Variants in NUDCD1 observed in about 807,000 individuals in gnomAD.
NUDCD1 encodes the protein NudC domain containing 1.
A neutral mutation model predicts 67.8 loss-of-function variants in NUDCD1; 60 were observed. The ratio of observed to expected loss-of-function variants is 0.88; its 90% CI spans 0.72 to 1.10. The LOEUF (loss-of-function observed/expected upper bound fraction) is 1.10, where lower values mean the gene tolerates loss of function less well. NUDCD1 is among the 50% of genes least tolerant of loss of function. The probability of loss-of-function intolerance (pLI) is 0.00; values close to 1 mark genes in which losing one functional copy is unlikely to be tolerated. For synonymous variants in NUDCD1, 244 were observed against 230.8 expected, an observed-to-expected ratio of 1.06 and a Z score of -0.52; for missense variants, 643 against 695.0, an observed-to-expected ratio of 0.93 and a Z score of 0.84.
intron 5 of NUDCD1, among the ~76,000 whole-genome samples, chr8:109,282,595 A>C (rs1814472730): frequency 6.6e-6 from 1 of 150,412 alleles, no homozygotes; most frequent in African/African-American, 2.4e-5. Context: ...AGAAAATCAA[A>C]CACCACATGT....
At chr8:109,288,637 C>A (rs1314044605) in intron 5 of NUDCD1, among the ~76,000 whole-genome samples, 1 of 152,130 alleles carries the variant, frequency 6.6e-6, no homozygotes, top group African/African-American at 2.4e-5. Context: ...ATATTCATTT[C>A]TTAAAGCATC....
intron 7 of NUDCD1, among the ~76,000 whole-genome samples, chr8:109,274,098 G>A (rs1329905562): frequency 6.6e-6 from 1 of 152,080 alleles, no homozygotes; most frequent in Non-Finnish European, 1.5e-5. Context: ...CCTTCTTAAT[G>A]ATAAAAGTCG....
chr8:109,325,522 C>A (rs574662805), intron 1 of NUDCD1, among the ~76,000 whole-genome samples: 1 of 152,092 alleles, frequency 6.6e-6, no homozygotes, highest in South Asian at 2.1e-4. Context: ...TACATGCATA[C>A]CCACTCCTCT....
chr8:109,323,334 C>G (rs566611305), intron 1 of NUDCD1, among the ~76,000 whole-genome samples: 1 of 152,130 alleles, frequency 6.6e-6, no homozygotes, highest in East Asian at 1.9e-4. Context: ...TGAGTCCTGT[C>G]TGACTTATAT....
intron 8 of NUDCD1, among the ~76,000 whole-genome samples, chr8:109,251,227 G>A (rs1469487111): frequency 1.4e-5 from 2 of 144,816 alleles, no homozygotes; most frequent in Non-Finnish European, 3.0e-5. Flanking sequence ...AGGCTGGAGT[G>A]CAGTGACACA....
chr8:109,333,456 A>G (rs1295742675), intron 1 of NUDCD1, among the ~76,000 whole-genome samples: 1 of 152,224 alleles, frequency 6.6e-6, no homozygotes, highest in Non-Finnish European at 1.5e-5. Context: ...TCTTCTAAGA[A>G]ACGGCTCTCG....
intron 7 of NUDCD1, among the ~76,000 whole-genome samples, chr8:109,272,840 T>G (rs576185551): frequency 2.8e-4 from 43 of 152,232 alleles, no homozygotes; most frequent in African/African-American, 9.9e-4. Flanking sequence ...CAATTATGGT[T>G]GCTGTGGCTG....
At chr8:109,281,592 G>C (rs1554614138) in intron 5 of NUDCD1, among the ~76,000 whole-genome samples, 3 of 152,088 alleles carry the variant, frequency 2.0e-5, no homozygotes, top group South Asian at 2.1e-4. Context: ...TATCTCAATG[G>C]ATAGCTTCTG....
At chr8:109,295,480 T>C (rs1206233175) in intron 3 of NUDCD1, among the ~76,000 whole-genome samples, 1 of 152,166 alleles carries the variant, frequency 6.6e-6, no homozygotes, top group African/African-American at 2.4e-5. Context: ...GTTCTGGTTA[T>C]TTACTGTGTA....
intron 1 of NUDCD1, among the ~76,000 whole-genome samples, chr8:109,328,247 A>G (rs1815722509): frequency 6.6e-6 from 1 of 152,210 alleles, no homozygotes; most frequent in Non-Finnish European, 1.5e-5. Context: ...CTCTACATAA[A>G]TACAACGGTT....
chr8:109,255,273 C>T (rs941518453), intron 8 of NUDCD1, among the ~76,000 whole-genome samples: 6 of 152,002 alleles, frequency 3.9e-5, no homozygotes, highest in African/African-American at 1.4e-4. Context: ...ATAAGTTGTT[C>T]ATCTATTTTG....
chr8:109,283,211 C>T (rs1412323548), intron 5 of NUDCD1, among the ~76,000 whole-genome samples: 1 of 151,970 alleles, frequency 6.6e-6, no homozygotes, highest in East Asian at 1.9e-4. Context: ...AACTTGAAGG[C>T]CAGTCTTTCA....
chr8:109,333,834 G>C, intron 1 of NUDCD1, 59 bp downstream of exon 1: 5 of 1,589,828 alleles, frequency 3.1e-6, no homozygotes, highest in Non-Finnish European at 4.3e-6. Flanking sequence ...GGAAGGGTCA[G>C]GCCGGAGGCA....
At chr8:109,306,500 G>T (rs779090233) in intron 2 of NUDCD1, among the ~76,000 whole-genome samples, 2 of 151,910 alleles carry the variant, frequency 1.3e-5, no homozygotes, top group Non-Finnish European at 2.9e-5. Context: ...AAAAAAAGTG[G>T]GAATCTGTAT....
At chr8:109,290,169 G>T (rs1814677325) in intron 4 of NUDCD1, among the ~76,000 whole-genome samples, 1 of 152,092 alleles carries the variant, frequency 6.6e-6, no homozygotes, top group Admixed American at 6.6e-5. Context: ...CCTGTCCAAT[G>T]TGGTAGTCAC....
chr8:109,273,433 A>G (rs1471766719), intron 7 of NUDCD1, among the ~76,000 whole-genome samples: 1 of 152,160 alleles, frequency 6.6e-6, no homozygotes, highest in African/African-American at 2.4e-5. Flanking sequence ...GCTTAGAAGG[A>G]TATGTACAAC....
In NUDCD1 at chr8:109,270,078, G is replaced by GTGGCT. The variant is rs1423360799; in HGVS notation, c.1299+926_1299+927insAGCCA. Among the ~76,000 whole-genome samples the GTGGCT allele has an allele frequency of 4.1e-3, 340 of 82,664 alleles. 34 individuals carry two copies. The highest frequency in any genetic ancestry group is 0.015 in the African/African-American group (316 of 21,156). The allele number at this position is 82,664 out of a possible 152,430, so 54.2% of individuals were successfully genotyped here. On this transcript the variant is annotated intron_variant, in intron 8 of 9. Coordinates refer to ENST00000239690, the MANE Select transcript of NUDCD1 (RefSeq NM_032869.4). Reference sequence around the variant, plus strand: ...TGAGGTGGCGGGGGCGGGGGGGGGGGGGGGTGCCTTAAGGTGGGGTGTGAA... The same window carrying GTGGCT: ...TGAGGTGGCGGGGGCGGGGGGGGGGGTGGCTGGGGTGCCTTAAGGTGGGGTGTGAA...
chr8:109,244,885 C>T (rs1029240046), intron 9 of NUDCD1, among the ~76,000 whole-genome samples: 14 of 152,048 alleles, frequency 9.2e-5, no homozygotes, highest in African/African-American at 3.4e-4. Flanking sequence ...CTCTTTTGTA[C>T]TTAATTTTGA....
rs768282271 is a variant in NUDCD1, at chr8:109,333,955, C to A, written c.56G>T (p.Arg19Leu). 16 of 1,614,010 alleles carry A rather than the reference C, an allele frequency of 9.9e-6. No individual in the cohort carries two copies. In the African/African-American group the frequency reaches 2.1e-4, roughly 22 times the overall value. Residue 19 changes from arginine to leucine, a missense_variant, in exon 1 of 10, where the codon CGC becomes CTC. Transcript: ENST00000239690. ...LRVKRPLLDP[R>L]FEGYKLSLEP... ...AAGAGAGAGCTTGTAACCCTCGAAGCGGGGATCCAACAGAGGTCTCTTCAC... is the reference window on the plus strand; with the variant it reads ...AAGAGAGAGCTTGTAACCCTCGAAGAGGGGATCCAACAGAGGTCTCTTCAC...
Sources: gnomAD v4.1 joint callset for allele counts (sites outside exome capture counted in the v4.1 genomes callset) on GRCh38, gnomAD v4.1.1 for gene constraint, MANE v1.5 for transcripts, NCBI Gene and HGNC (gene_info 2026-07-23, HGNC 2026-07-21) for gene names.